The following PCDHGB2 variants were observed in gnomAD, a reference collection of about 807,000 sequenced individuals.
The protein encoded by PCDHGB2 is protocadherin gamma-B2.
PCDHGB2 carries 55 observed loss-of-function variants against 59.3 expected under a neutral mutation model. The ratio of observed to expected loss-of-function variants is 0.93; its 90% CI spans 0.75 to 1.16. The LOEUF is 1.16. PCDHGB2 is among the 50% of genes most tolerant of loss of function. The probability of loss-of-function intolerance (pLI) is 0.00; values close to 1 mark genes in which losing one functional copy is unlikely to be tolerated. For missense variants in PCDHGB2, 1,228 were observed against 1,198.5 expected (o/e 1.02, Z -0.36); for synonymous variants, 516 against 512.0 (o/e 1.01, Z -0.11).
At chr5:141,438,710 G>C (rs568772648) in intron 1 of PCDHGB2, among the ~76,000 whole-genome samples, 2 of 147,308 alleles carry the variant, frequency 1.4e-5, no homozygotes, top group South Asian at 4.3e-4. Context: ...ACCCAGGCTG[G>C]AGTGCAAGTG....
At chr5:141,495,379 C>T (rs989240656) in intron 2 of PCDHGB2, among the ~76,000 whole-genome samples, 3 of 152,208 alleles carry the variant, frequency 2.0e-5, no homozygotes, top group Non-Finnish European at 4.4e-5. Context: ...TGAGGAAGGA[C>T]TGGGCGGGGC....
chr5:141,365,193 T>C (rs1349681128), intron 1 of PCDHGB2: 2 of 1,613,644 alleles, frequency 1.2e-6, no homozygotes, highest in Non-Finnish European at 1.7e-6. Context: ...GAAGAAAAAA[T>C]TTCGGAGACT....
chr5:141,378,217 G>A (rs977724774), intron 1 of PCDHGB2: 2 of 152,186 alleles, frequency 1.3e-5, no homozygotes, highest in African/African-American at 4.8e-5. Context: ...CATACTGTGT[G>A]CCTGATAGTA....
chr5:141,462,243 A>C (rs141980823), intron 1 of PCDHGB2, among the ~76,000 whole-genome samples: 70 of 152,368 alleles, frequency 4.6e-4, no homozygotes, highest in African/African-American at 1.6e-3. Flanking sequence ...TACAGGTATG[A>C]GCCACCATGA....
chr5:141,410,215 A>G (rs2095369286), intron 1 of PCDHGB2: 11 of 1,613,894 alleles, frequency 6.8e-6, no homozygotes, highest in Non-Finnish European at 8.5e-6. Flanking sequence ...TGCAAGAGAT[A>G]CTGCCAGACC....
At chr5:141,421,702 A>G (rs2096594027) in intron 1 of PCDHGB2, 1 of 1,613,950 alleles carries the variant, frequency 6.2e-7, no homozygotes, top group Non-Finnish European at 8.5e-7. Context: ...TCCTAATGCT[A>G]GGGATCCAGA....
At position 141,511,036 on chromosome 5, in the gene PCDHGB2, G is replaced by A. The variant is rs116366286; in HGVS notation, c.2659G>A (p.Val887Met). ...CGGACCCCAGTTCACCCTGCAGCAC[G>A]TGCCCGACTACCGCCAGAATGTCTA... is the stretch of plus-strand genomic sequence containing the variant. ...RYGPQFTLQH[V>M]PDYRQNVYIP... is the part of the protein sequence containing the mutation. Residue 887 changes from valine to methionine, a missense_variant, in exon 4 of 4, where the codon GTG becomes ATG. Physicochemically the swap from Val to Met is conservative, Grantham distance 21. Transcript: ENST00000522605. 5.5e-5 allele frequency: 89 copies of A among 1,614,198 alleles called. No individual in the cohort carries two copies. The highest frequency in any genetic ancestry group is 1.6e-4 in the Middle Eastern group (1 of 6,062).
chr5:141,365,622 C>T, intron 1 of PCDHGB2: 1 of 1,613,594 alleles, frequency 6.2e-7, no homozygotes, highest in Non-Finnish European at 8.5e-7. Flanking sequence ...GGAACCCCGC[C>T]CCTCTCTACA....
At position 141,408,540 on chromosome 5, in the gene PCDHGB2, C is replaced by T. The variant is rs201370009; in HGVS notation, c.2421+45984C>T. On this transcript the variant is annotated intron_variant, in intron 1 of 3. Transcript: ENST00000522605. ...CAATTGGAAGCTGTGGTGGAAAATCCTTTAAATATTTTTCATGTCATTGTG... is the reference window on the plus strand; with the variant it reads ...CAATTGGAAGCTGTGGTGGAAAATCTTTTAAATATTTTTCATGTCATTGTG... The T allele has an allele frequency of 1.6e-3, 2,593 of 1,614,046 alleles. 3 individuals are homozygous for T. Among genetic ancestry groups the T allele is most frequent in the Middle Eastern group, 4.5e-3 (27 of 6,062 alleles).
Position 141,384,181 on chromosome 5 carries a change from G to A in PCDHGB2, c.2421+21625G>A, listed in dbSNP as rs765782736. ...CATCACACTGAAAGCCACAGATGGTGGAACTCCTCCCTTGTCCAGGGAAAC... is the reference window on the plus strand; with the variant it reads ...CATCACACTGAAAGCCACAGATGGTAGAACTCCTCCCTTGTCCAGGGAAAC... On this transcript the variant is annotated intron_variant, in intron 1 of 3. Coordinates refer to ENST00000522605, the MANE Select transcript of PCDHGB2 (RefSeq NM_018923.3). 18 of 1,613,702 alleles carry A rather than the reference G, an allele frequency of 1.1e-5. No homozygotes were observed. Among genetic ancestry groups the A allele is most frequent in the Non-Finnish European group, 1.4e-5 (16 of 1,179,868 alleles).
chr5:141,399,106 T>C, intron 1 of PCDHGB2: 2 of 1,613,784 alleles, frequency 1.2e-6, no homozygotes, highest in Non-Finnish European at 1.7e-6. Context: ...GGTTGCACAA[T>C]GTACAGTTGA....
intron 1 of PCDHGB2, chr5:141,419,684 G>A (rs1286646418): frequency 5.4e-5 from 87 of 1,612,770 alleles, no homozygotes; most frequent in Non-Finnish European, 7.3e-5. Flanking sequence ...CTACCACGTG[G>A]TGCAGGCCAG....
chr5:141,386,090 T>C (rs184634259), intron 1 of PCDHGB2: 1 of 152,362 alleles, frequency 6.6e-6, no homozygotes, highest in Non-Finnish European at 1.5e-5. Context: ...TACAGCCAGA[T>C]GAAGTGTGTC....
intron 1 of PCDHGB2, chr5:141,392,870 G>C: frequency 6.2e-7 from 1 of 1,613,226 alleles, no homozygotes; most frequent in Non-Finnish European, 8.5e-7. Context: ...TGTGCGCGCT[G>C]CTGGGAACGC....
At chr5:141,395,500 TAAG>T (rs1227202502) in intron 1 of PCDHGB2, 3 of 471,360 alleles carry the variant, frequency 6.4e-6, no homozygotes, top group Non-Finnish European at 1.1e-5. Flanking sequence ...CTCATTCACT[TAAG>T]AAGTAGCTAC....
At chr5:141,366,570 G>C (rs373636717) in intron 1 of PCDHGB2, 3 of 1,614,218 alleles carry the variant, frequency 1.9e-6, no homozygotes, top group Admixed American at 3.3e-5. Context: ...GATGGGGTTC[G>C]GGCTTTCCTG....
At chr5:141,494,638 A>G (rs2099755799) in intron 1 of PCDHGB2, 169 bp from the exon 2 acceptor site, 1 of 896,388 alleles carries the variant, frequency 1.1e-6, no homozygotes, top group African/African-American at 1.8e-5. Context: ...GACCTCTGAG[A>G]CCTGAGGTGT....
At chr5:141,399,856 G>A (rs1391939612) in intron 1 of PCDHGB2, 1 of 1,612,894 alleles carries the variant, frequency 6.2e-7, no homozygotes, top group Non-Finnish European at 8.5e-7. Flanking sequence ...GGTGCCGCGC[G>A]CTGCAGAGCC....
intron 1 of PCDHGB2, chr5:141,478,636 T>G: frequency 1.3e-6 from 2 of 1,552,744 alleles, no homozygotes; most frequent in South Asian, 2.4e-5. Flanking sequence ...TTTTTAGTGA[T>G]GAAGATGTTT....
Sources: allele counts gnomAD v4.1 joint callset (sites outside exome capture counted in the v4.1 genomes callset), GRCh38; gene constraint gnomAD v4.1.1; transcripts MANE v1.5; gene names NCBI Gene and HGNC (gene_info 2026-07-23, HGNC 2026-07-21).